Variants in KCNIP1 observed in about 807,000 individuals in gnomAD.
KCNIP1 encodes the protein potassium voltage-gated channel interacting protein 1.
KCNIP1 carries 18 observed loss-of-function variants against 33.0 expected under a neutral mutation model. That is an observed-to-expected ratio of 0.55 (90% CI 0.38 to 0.81). The LOEUF (loss-of-function observed/expected upper bound fraction) is 0.81. KCNIP1 is among the 30% of genes least tolerant of loss of function. KCNIP1 has a pLI of 0.00. For missense variants in KCNIP1, 238 were observed against 271.6 expected (o/e 0.88, Z 0.87); for synonymous variants, 93 against 98.3 (o/e 0.95, Z 0.32).
At chr5:170,543,911 C>G (rs969309183) in intron 1 of KCNIP1, among the ~76,000 whole-genome samples, 31 of 152,162 alleles carry the variant, frequency 2.0e-4, no homozygotes, top group South Asian at 2.1e-4. Context: ...TTTACAACAA[C>G]CAACAAGCCG....
chr5:170,533,269 C>G (rs759918255), intron 1 of KCNIP1, among the ~76,000 whole-genome samples: 4 of 152,184 alleles, frequency 2.6e-5, no homozygotes, highest in Non-Finnish European at 4.4e-5. Context: ...CACCCCAGCA[C>G]CTCCCTCACC....
intron 1 of KCNIP1, among the ~76,000 whole-genome samples, chr5:170,451,073 C>G (rs1467847966): frequency 1.3e-5 from 2 of 152,170 alleles, no homozygotes; most frequent in Non-Finnish European, 2.9e-5. Context: ...CTGGCCTGGT[C>G]CTCACAGTTT....
chr5:170,558,646 C>T (rs927527833), intron 1 of KCNIP1, among the ~76,000 whole-genome samples: 18 of 152,270 alleles, frequency 1.2e-4, no homozygotes, highest in South Asian at 1.0e-3. Context: ...TGGGTGCTGC[C>T]GTTCAACCCA....
intron 1 of KCNIP1, among the ~76,000 whole-genome samples, chr5:170,709,877 T>A (rs954569666): frequency 2.0e-5 from 3 of 152,322 alleles, no homozygotes; most frequent in African/African-American, 7.2e-5. Context: ...TCTTTTTTTT[T>A]CTTTTTTTGA....
chr5:170,378,581 T>G, intron 1 of KCNIP1: 1 of 1,003,210 alleles, frequency 1.0e-6, no homozygotes, highest in Non-Finnish European at 1.5e-6. Flanking sequence ...GAAGACAGCG[T>G]GGATTGGACT....
At chr5:170,415,680 T>A (rs1386279520) in intron 1 of KCNIP1, among the ~76,000 whole-genome samples, 3 of 152,214 alleles carry the variant, frequency 2.0e-5, no homozygotes, top group African/African-American at 7.2e-5. Context: ...GATCATTCCC[T>A]GGTGTCTCTC....
chr5:170,599,282 G>A (rs1758596982), intron 1 of KCNIP1, among the ~76,000 whole-genome samples: 1 of 152,148 alleles, frequency 6.6e-6, no homozygotes, highest in Admixed American at 6.5e-5. Flanking sequence ...ACAATGGAGG[G>A]AAAAGTTGTC....
intron 1 of KCNIP1, among the ~76,000 whole-genome samples, chr5:170,469,516 C>T (rs1257983214): frequency 1.3e-5 from 2 of 152,190 alleles, no homozygotes; most frequent in Non-Finnish European, 2.9e-5. Flanking sequence ...TCATGCCTCC[C>T]CTCTGGGTTG....
chr5:170,675,290 C>A (rs1051025338), intron 1 of KCNIP1, among the ~76,000 whole-genome samples: 4 of 151,360 alleles, frequency 2.6e-5, no homozygotes, highest in African/African-American at 9.7e-5. Flanking sequence ...CAGAGTGAGA[C>A]CCTGTCTCAA....
chr5:170,680,970 C>T, intron 1 of KCNIP1: 1 of 398,618 alleles, frequency 2.5e-6, no homozygotes, highest in Non-Finnish European at 4.4e-6. Flanking sequence ...GGAAAATAAA[C>T]CGTGCACTTT....
Position 170,504,645 on chromosome 5 carries a change from TCTTC to T in KCNIP1, c.61+16_61+19del. The T allele has an allele frequency of 1.2e-6, 2 of 1,610,088 alleles. No homozygotes were observed. The highest frequency in any genetic ancestry group is 1.7e-6 in the Non-Finnish European group (2 of 1,176,638). ...GCGACCCTCGAAAGGTAAGCCACCT[TCTTC>T]CTTTTGTTCCCCTGTCTGGGCTTGG... On this transcript the variant is annotated intron_variant, in intron 1 of 7. Transcript: ENST00000328939. The surrounding 1 kb of genome is among the most constrained non-coding windows in gnomAD (Gnocchi z 6.0).
At chr5:170,589,762 G>GAT (rs1758146857) in intron 1 of KCNIP1, among the ~76,000 whole-genome samples, 1 of 140,812 alleles carries the variant, frequency 7.1e-6, no homozygotes, top group Non-Finnish European at 1.5e-5. Context: ...GGTGTGGTGT[G>GAT]GTGTGGTGTG....
chr5:170,502,204 G>A (rs1012340468), upstream of KCNIP1, among the ~76,000 whole-genome samples: 13 of 152,218 alleles, frequency 8.5e-5, no homozygotes, highest in African/African-American at 1.7e-4. Context: ...TGGGCATCAC[G>A]TGGACAATGT....
chr5:170,588,833 G>C (rs755903254), intron 1 of KCNIP1, among the ~76,000 whole-genome samples: 2 of 152,018 alleles, frequency 1.3e-5, no homozygotes, highest in Non-Finnish European at 1.5e-5. Context: ...CCAGGCCTAG[G>C]ACTTAGACTG....
At chr5:170,586,978 A>G (rs1469938939) in intron 1 of KCNIP1, among the ~76,000 whole-genome samples, 3 of 152,218 alleles carry the variant, frequency 2.0e-5, no homozygotes, top group African/African-American at 7.2e-5. Context: ...AGACAGATAT[A>G]TAGGCAACAA....
chr5:170,709,129 C>T (rs1425314084), intron 1 of KCNIP1, among the ~76,000 whole-genome samples: 1 of 152,134 alleles, frequency 6.6e-6, no homozygotes, highest in Non-Finnish European at 1.5e-5. Context: ...TTTATGATTG[C>T]TGAGTACAGA....
At chr5:170,723,931 A>C (rs909389533) in intron 5 of KCNIP1, among the ~76,000 whole-genome samples, 2 of 152,234 alleles carry the variant, frequency 1.3e-5, no homozygotes, top group African/African-American at 4.8e-5. Flanking sequence ...GAAAGGCTTC[A>C]GATGGCTGCA....
At chr5:170,684,226 A>T (rs1388814210) in intron 1 of KCNIP1, among the ~76,000 whole-genome samples, 3 of 152,220 alleles carry the variant, frequency 2.0e-5, no homozygotes, top group African/African-American at 7.2e-5. Flanking sequence ...TGAGAATGAT[A>T]GTTGTATTAA....
intron 1 of KCNIP1, chr5:170,377,256 G>A (rs1764040972): frequency 1.3e-5 from 2 of 152,280 alleles, no homozygotes; most frequent in South Asian, 2.1e-4. Context: ...TTAGAACACA[G>A]AACATTGCTA....
Sources: allele counts gnomAD v4.1 joint callset (sites outside exome capture counted in the v4.1 genomes callset), GRCh38; gene constraint gnomAD v4.1.1; non-coding constraint Gnocchi (gnomAD v3.1); transcripts MANE v1.5; gene names NCBI Gene and HGNC (gene_info 2026-07-23, HGNC 2026-07-21).